The following ADAM12 variants were observed in gnomAD, a reference collection of about 807,000 sequenced individuals.
ADAM12 encodes ADAM metallopeptidase domain 12.
A neutral mutation model predicts 106.4 loss-of-function variants in ADAM12; 70 were observed. The ratio of observed to expected loss-of-function variants is 0.66; its 90% confidence interval spans 0.54 to 0.80. ADAM12 has a LOEUF of 0.80. Ranked by LOEUF, ADAM12 falls within the 30% of genes least tolerant of loss-of-function variation. ADAM12 has a pLI of 0.00. For missense variants in ADAM12, 1,010 were observed against 1,171.9 expected (o/e 0.86, Z 2.02); for synonymous variants, 420 against 433.5 (o/e 0.97, Z 0.39).
chr10:126,093,894 A>G, intron 11 of ADAM12, 91 bp downstream of exon 11: 2 of 1,552,158 alleles, frequency 1.3e-6, no homozygotes, highest in East Asian at 4.5e-5. Context: ...TGCTCTGACC[A>G]GAAAACCAGA....
At chr10:126,082,363 G>GTTTTTTTTTTTTTTTT (rs5788763) in intron 11 of ADAM12, among the ~76,000 whole-genome samples, 3 of 80,780 alleles carry the variant, frequency 3.7e-5, no homozygotes, top group Admixed American at 1.8e-4. Flanking sequence ...TCTAATGACT[G>GTTTTTTTTTTTTTTTT]TTTTTTTTTT....
At chr10:126,351,772 C>T (rs1855368481) in intron 1 of ADAM12, among the ~76,000 whole-genome samples, 1 of 152,140 alleles carries the variant, frequency 6.6e-6, no homozygotes, top group African/African-American at 2.4e-5. Flanking sequence ...CATTGCTCTC[C>T]CTGCACCCCC....
chr10:126,044,489 G>A (rs1954262685), intron 17 of ADAM12, among the ~76,000 whole-genome samples: 1 of 152,170 alleles, frequency 6.6e-6, no homozygotes, highest in African/African-American at 2.4e-5. Context: ...CGAACTAGAA[G>A]TTGTTGATGA....
At chr10:126,297,679 C>A (rs747832899) in intron 2 of ADAM12, among the ~76,000 whole-genome samples, 1 of 152,132 alleles carries the variant, frequency 6.6e-6, no homozygotes, top group Admixed American at 6.5e-5. Flanking sequence ...GACCTAACTT[C>A]CCACTAAAAA....
chr10:126,379,672 C>T (rs1856422725), intron 1 of ADAM12, among the ~76,000 whole-genome samples: 1 of 151,994 alleles, frequency 6.6e-6, no homozygotes, highest in South Asian at 2.1e-4. Flanking sequence ...CTGCCATGTA[C>T]CCCAAAACTT....
intron 18 of ADAM12, chr10:126,042,144 C>T: frequency 6.2e-7 from 1 of 1,613,676 alleles, no homozygotes; most frequent in Non-Finnish European, 8.5e-7. Context: ...AGATGAGTGT[C>T]AGTGAGGCAG....
intron 21 of ADAM12, among the ~76,000 whole-genome samples, chr10:126,032,106 A>C (rs1334037906): frequency 6.6e-6 from 1 of 152,234 alleles, no homozygotes; most frequent in East Asian, 1.9e-4. Flanking sequence ...CCTAGCTTAC[A>C]GTTTAAATGT....
chr10:126,339,220 C>A (rs1356644568), intron 1 of ADAM12, among the ~76,000 whole-genome samples: 3 of 152,148 alleles, frequency 2.0e-5, no homozygotes, highest in African/African-American at 7.2e-5. Context: ...TCCCATCTGG[C>A]CACTTCACCC....
At position 126,057,335 on chromosome 10, in the gene ADAM12, T is replaced by C. The variant is rs1416010015; in HGVS notation, c.1609+7471A>G. Among the ~76,000 whole-genome samples the C allele has an allele frequency of 1.5e-4, 5 of 33,590 alleles. 1 individual carries two copies. Among genetic ancestry groups the C allele is most frequent in the Non-Finnish European group, 2.1e-4 (3 of 14,236 alleles). 22.0% of individuals were successfully genotyped at this position (33,590 alleles called of 152,430 possible). On this transcript the variant is annotated intron_variant, in intron 14 of 22. Transcript: ENST00000448723. Reference sequence around the variant, plus strand: ...ACATATGTAACTAACCTGCACAATGTGCACATGTTCCCTAAAACTTAGAGT... The same window carrying C: ...ACATATGTAACTAACCTGCACAATGCGCACATGTTCCCTAAAACTTAGAGT...
At chr10:126,061,152 C>T (rs1390866119) in intron 14 of ADAM12, among the ~76,000 whole-genome samples, 3 of 152,200 alleles carry the variant, frequency 2.0e-5, no homozygotes, top group Non-Finnish European at 4.4e-5. Flanking sequence ...GGCCCATGAC[C>T]CTCTTACAGC....
intron 14 of ADAM12, among the ~76,000 whole-genome samples, chr10:126,059,053 A>T (rs1319362863): frequency 3.3e-5 from 5 of 152,244 alleles, no homozygotes; most frequent in Non-Finnish European, 5.9e-5. Context: ...GGGAATTTTG[A>T]TACCATACTA....
chr10:126,311,251 T>A (rs1465020418), intron 2 of ADAM12, among the ~76,000 whole-genome samples: 1 of 152,168 alleles, frequency 6.6e-6, no homozygotes, highest in Non-Finnish European at 1.5e-5. Flanking sequence ...ATTCCATGCA[T>A]GTTTGCTGAA....
chr10:126,283,351 C>G (rs977335475), intron 2 of ADAM12, among the ~76,000 whole-genome samples: 1 of 152,176 alleles, frequency 6.6e-6, no homozygotes, highest in African/African-American at 2.4e-5. Context: ...GGGATGGAAA[C>G]TCTGGGTGGT....
chr10:126,037,952 G>A (rs2133402428), intron 20 of ADAM12, among the ~76,000 whole-genome samples: 1 of 152,326 alleles, frequency 6.6e-6, no homozygotes, highest in African/African-American at 2.4e-5. Flanking sequence ...CCCCAGAAAT[G>A]TGGCTGGTCT....
intron 3 of ADAM12, among the ~76,000 whole-genome samples, chr10:126,183,650 T>C (rs1957352967): frequency 6.6e-6 from 1 of 152,220 alleles, no homozygotes; most frequent in East Asian, 1.9e-4. Context: ...TTTGGATGTC[T>C]CCTCTGTTCC....
intron 11 of ADAM12, among the ~76,000 whole-genome samples, chr10:126,086,383 T>C (rs959961793): frequency 6.6e-6 from 1 of 151,792 alleles, no homozygotes; most frequent in African/African-American, 2.4e-5. Flanking sequence ...TCCAGTAATA[T>C]GGGTATAGTT....
At chr10:126,157,042 C>T (rs1252897186) in intron 3 of ADAM12, among the ~76,000 whole-genome samples, 6 of 152,124 alleles carry the variant, frequency 3.9e-5, no homozygotes, top group African/African-American at 1.4e-4. Flanking sequence ...TGGGGGGGTG[C>T]TCCTCCACTC....
Position 126,066,260 on chromosome 10 carries a change from G to A in ADAM12, c.1413+457C>T, listed in dbSNP as rs540157818. Among the ~76,000 whole-genome samples, 134 of 152,098 alleles carry A rather than the reference G, an allele frequency of 8.8e-4. No individual in the cohort carries two copies. The highest frequency in any genetic ancestry group is 1.6e-3 in the Non-Finnish European group (110 of 68,020). ...GCGGGGTTGGTGGCAACTTCTTTTG[G>A]GAGGACATTAAGATTGAGTTGTTTA... is the stretch of plus-strand genomic sequence containing the variant. On this transcript the variant is annotated intron_variant, in intron 13 of 22. Transcript: ENST00000448723. This position sits in a 1 kb window ranked among gnomAD's most constrained non-coding sequence, Gnocchi z 5.1.
chr10:126,150,238 G>C (rs960709443), intron 4 of ADAM12, among the ~76,000 whole-genome samples: 1 of 152,104 alleles, frequency 6.6e-6, no homozygotes, highest in Admixed American at 6.5e-5. Context: ...TGCTGAGTCT[G>C]AAAACATATT....
Sources: gnomAD v4.1 joint callset for allele counts (sites outside exome capture counted in the v4.1 genomes callset) on GRCh38, gnomAD v4.1.1 for gene constraint, Gnocchi (gnomAD v3.1) non-coding constraint, MANE v1.5 for transcripts, NCBI Gene and HGNC (gene_info 2026-07-23, HGNC 2026-07-21) for gene names.